The following DCDC2 variants were observed in gnomAD, a reference collection of about 807,000 sequenced individuals.
DCDC2 encodes the protein doublecortin domain-containing protein 2.
DCDC2 carries 40 observed loss-of-function variants against 50.2 expected under a neutral mutation model. That is an observed-to-expected ratio of 0.80 (90% CI 0.62 to 1.04). The LOEUF (loss-of-function observed/expected upper bound fraction) is 1.04, where lower values mean the gene tolerates loss of function less well. Among genes scored for constraint, DCDC2 ranks in the 50% least tolerant of loss-of-function variants. The probability of loss-of-function intolerance (pLI) is 0.00; values close to 1 mark genes in which losing one functional copy is unlikely to be tolerated. For synonymous variants in DCDC2, 234 were observed against 210.6 expected, an observed-to-expected ratio of 1.11 and a Z score of -0.96; for missense variants, 570 against 581.9, an observed-to-expected ratio of 0.98 and a Z score of 0.21.
At chr6:24,235,759 C>T (rs1275923832) in intron 7 of DCDC2, among the ~76,000 whole-genome samples, 2 of 152,274 alleles carry the variant, frequency 1.3e-5, no homozygotes, top group African/African-American at 4.8e-5. Flanking sequence ...CCTGCCCACT[C>T]TCACCTCTAC....
rs369856692 is a variant in DCDC2 at position 24,205,119 on chromosome 6, A to G, written c.923-17T>C. On this transcript the variant is annotated splice_polypyrimidine_tract_variant and intron_variant, in intron 7 of 9. Coordinates refer to ENST00000378454, the MANE Select transcript of DCDC2 (RefSeq NM_016356.5). ...TGCCTTCATCTATTGAGACAAACAC[A>G]CAGTGAAAATCAAAATCCAATTGTG... 8.7e-6 allele frequency: 14 copies of G among 1,614,176 alleles called. No homozygotes were observed. The highest frequency in any genetic ancestry group is 1.3e-5 in the African/African-American group (1 of 75,054).
At chr6:24,304,918 T>C (rs954232699) in intron 2 of DCDC2, among the ~76,000 whole-genome samples, 1 of 152,218 alleles carries the variant, frequency 6.6e-6, no homozygotes, top group African/African-American at 2.4e-5. Flanking sequence ...CATTCCTCCT[T>C]AGTGCCTTAG....
intron 7 of DCDC2, among the ~76,000 whole-genome samples, chr6:24,269,400 G>A (rs1763191511): frequency 6.6e-6 from 1 of 152,094 alleles, no homozygotes; most frequent in African/African-American, 2.4e-5. Context: ...AATAAAGTCT[G>A]GTCATTGAAA....
intron 7 of DCDC2, among the ~76,000 whole-genome samples, chr6:24,244,901 A>T (rs190717477): frequency 1.2e-4 from 19 of 152,314 alleles, no homozygotes; most frequent in Admixed American, 1.1e-3. Context: ...TGTGAACTCA[A>T]GATTTTTATG....
chr6:24,291,925 G>C (rs184138717), intron 4 of DCDC2, among the ~76,000 whole-genome samples: 1 of 152,156 alleles, frequency 6.6e-6, no homozygotes, highest in Non-Finnish European at 1.5e-5. Flanking sequence ...AATGGGGTGA[G>C]AGGGCAGGAG....
At chr6:24,356,385 G>C (rs1760466911) in intron 1 of DCDC2, among the ~76,000 whole-genome samples, 1 of 152,056 alleles carries the variant, frequency 6.6e-6, no homozygotes, top group Non-Finnish European at 1.5e-5. Flanking sequence ...AAATAGATTA[G>C]TGGTTTCCAG....
intron 8 of DCDC2, among the ~76,000 whole-genome samples, chr6:24,195,517 C>T (rs888033593): frequency 6.6e-6 from 1 of 152,164 alleles, no homozygotes; most frequent in African/African-American, 2.4e-5. Context: ...CTTTATCATA[C>T]TGGACAATAA....
chr6:24,190,468 T>C (rs916313308), intron 8 of DCDC2, among the ~76,000 whole-genome samples: 7 of 152,178 alleles, frequency 4.6e-5, no homozygotes, highest in Non-Finnish European at 1.0e-4. Flanking sequence ...ACATGGCACA[T>C]GTATACGTAT....
At chr6:24,198,819 G>C (rs1415838737) in intron 8 of DCDC2, among the ~76,000 whole-genome samples, 1 of 152,138 alleles carries the variant, frequency 6.6e-6, no homozygotes, top group African/African-American at 2.4e-5. Context: ...CAAGCTTGGT[G>C]GGGGGAGGGA....
chr6:24,259,989 G>A (rs1357625801), intron 7 of DCDC2, among the ~76,000 whole-genome samples: 1 of 152,174 alleles, frequency 6.6e-6, no homozygotes, highest in African/African-American at 2.4e-5. Context: ...GTAACCTAGA[G>A]GCTAACTGGT....
chr6:24,271,224 A>AAAAAAGAG (rs919124775), intron 7 of DCDC2, among the ~76,000 whole-genome samples: 1 of 142,936 alleles, frequency 7.0e-6, no homozygotes, highest in African/African-American at 2.7e-5. Context: ...AAAAAAAAAA[A>AAAAAAGAG]AGAGAGAGAG....
intron 8 of DCDC2, among the ~76,000 whole-genome samples, chr6:24,189,747 A>G (rs1311304063): frequency 6.6e-6 from 1 of 152,168 alleles, no homozygotes; most frequent in East Asian, 1.9e-4. Context: ...AGACCTAGAA[A>G]CTGGAGATCA....
At chr6:24,309,692 A>G (rs1317495719) in intron 2 of DCDC2, among the ~76,000 whole-genome samples, 1 of 152,250 alleles carries the variant, frequency 6.6e-6, no homozygotes, top group African/African-American at 2.4e-5. Context: ...AACAAATAAC[A>G]TGATAAACTC....
intron 2 of DCDC2, among the ~76,000 whole-genome samples, chr6:24,335,589 C>A (rs1408983212): frequency 6.6e-6 from 1 of 152,104 alleles, no homozygotes; most frequent in Non-Finnish European, 1.5e-5. Flanking sequence ...GCCAAGCCCA[C>A]TGTATTTGTC....
At chr6:24,289,026 G>A in intron 5 of DCDC2, 120 bp from the exon 6 acceptor site, 2 of 672,446 alleles carry the variant, frequency 3.0e-6, no homozygotes, top group Non-Finnish European at 5.0e-6. Flanking sequence ...ACAAAAGGTA[G>A]ATAACATACA....
At chr6:24,208,499 T>C (rs541236366) in intron 7 of DCDC2, among the ~76,000 whole-genome samples, 29 of 151,334 alleles carry the variant, frequency 1.9e-4, no homozygotes, top group African/African-American at 6.8e-4. Context: ...GCCTCCCAAG[T>C]AGCTGGGATT....
At chr6:24,210,331 C>A (rs1180600879) in intron 7 of DCDC2, among the ~76,000 whole-genome samples, 2 of 152,176 alleles carry the variant, frequency 1.3e-5, no homozygotes, top group African/African-American at 4.8e-5. Flanking sequence ...ATCTAACTGT[C>A]TAACTTGACA....
intron 2 of DCDC2, 78 bp from the exon 3 acceptor site, chr6:24,302,122 T>C (rs994572325): frequency 4.9e-5 from 65 of 1,318,560 alleles, no homozygotes; most frequent in Non-Finnish European, 6.2e-5. Flanking sequence ...AAATCTACAG[T>C]TTCTAGGGAA....
chr6:24,339,093 T>C (rs1399790828), intron 2 of DCDC2, among the ~76,000 whole-genome samples: 1 of 152,172 alleles, frequency 6.6e-6, no homozygotes, highest in Non-Finnish European at 1.5e-5. Context: ...ACAGCACATG[T>C]ATGTTTCTCA....
Sources: gnomAD v4.1 joint callset for allele counts (sites outside exome capture counted in the v4.1 genomes callset) on GRCh38, gnomAD v4.1.1 for gene constraint, MANE v1.5 for transcripts, NCBI Gene and HGNC (gene_info 2026-07-23, HGNC 2026-07-21) for gene names.